The following NKAIN3 variants were observed in gnomAD, a reference collection of about 807,000 sequenced individuals.
The protein encoded by NKAIN3 is sodium/potassium-transporting ATPase subunit beta-1-interacting protein 3.
NKAIN3 carries 25 observed loss-of-function variants against 30.2 expected under a neutral mutation model. The observed-to-expected ratio is 0.83, with a 90% confidence interval of 0.60 to 1.16. The LOEUF (loss-of-function observed/expected upper bound fraction) is 1.16. NKAIN3 is among the 50% of genes most tolerant of loss of function. The pLI is 0.00. For missense variants in NKAIN3, 225 were observed against 254.1 expected (o/e 0.89, Z 0.78); for synonymous variants, 91 against 89.6 (o/e 1.02, Z -0.09).
At chr8:62,795,990 T>C (rs1817849039) in intron 4 of NKAIN3, among the ~76,000 whole-genome samples, 1 of 152,154 alleles carries the variant, frequency 6.6e-6, no homozygotes, top group African/African-American at 2.4e-5. Flanking sequence ...AAGACCCTTT[T>C]TAAAAGTGTT....
chr8:62,944,979 A>G (rs2130887355), intron 5 of NKAIN3, among the ~76,000 whole-genome samples: 1 of 152,298 alleles, frequency 6.6e-6, no homozygotes, highest in Admixed American at 6.5e-5. Flanking sequence ...AATTTGCTAT[A>G]ACAATGTCAC....
intron 1 of NKAIN3, among the ~76,000 whole-genome samples, chr8:62,576,088 G>A (rs565838653): frequency 6.6e-6 from 1 of 152,114 alleles, no homozygotes; most frequent in South Asian, 2.1e-4. Context: ...CACAAGCACA[G>A]GCAACCAAAC....
At chr8:62,771,074 CAGACAA>C (rs1387221461) in intron 4 of NKAIN3, among the ~76,000 whole-genome samples, 1 of 42,912 alleles carries the variant, frequency 2.3e-5, no homozygotes, top group Non-Finnish European at 1.3e-4. Flanking sequence ...TACATTTTAT[CAGACAA>C]AGACTTCAAA....
chr8:62,584,435 C>T (rs1252939391), intron 2 of NKAIN3, among the ~76,000 whole-genome samples: 2 of 152,182 alleles, frequency 1.3e-5, no homozygotes, highest in African/African-American at 4.8e-5. Context: ...AGTAATTGAT[C>T]ACCTTTATGA....
At chr8:62,598,454 A>C (rs1454827915) in intron 3 of NKAIN3, among the ~76,000 whole-genome samples, 1 of 152,074 alleles carries the variant, frequency 6.6e-6, no homozygotes, top group Non-Finnish European at 1.5e-5. Context: ...AATGTTAATG[A>C]TATTACAATT....
intron 1 of NKAIN3, among the ~76,000 whole-genome samples, chr8:62,321,761 G>C (rs192784129): frequency 8.3e-4 from 126 of 152,264 alleles, no homozygotes; most frequent in African/African-American, 2.7e-3. Context: ...CTCCCAGTTA[G>C]GCTACTCAGG....
intron 1 of NKAIN3, among the ~76,000 whole-genome samples, chr8:62,484,290 C>G (rs774061061): frequency 1.8e-4 from 28 of 152,330 alleles, no homozygotes; most frequent in Middle Eastern, 6.8e-3. Context: ...CAGGATGTCT[C>G]GCCCCCAGGC....
chr8:62,318,808 T>C (rs1814758440), intron 1 of NKAIN3, among the ~76,000 whole-genome samples: 1 of 152,172 alleles, frequency 6.6e-6, no homozygotes, highest in South Asian at 2.1e-4. Context: ...TTTTGTTGTG[T>C]CTCTGCCAGG....
intron 1 of NKAIN3, among the ~76,000 whole-genome samples, chr8:62,410,543 A>T (rs1804206440): frequency 6.6e-6 from 1 of 152,190 alleles, no homozygotes; most frequent in Admixed American, 6.5e-5. Flanking sequence ...AAGAATTGAT[A>T]CAAAAGATCA....
At chr8:62,946,184 C>T (rs1823120332) in intron 5 of NKAIN3, among the ~76,000 whole-genome samples, 1 of 152,146 alleles carries the variant, frequency 6.6e-6, no homozygotes, top group Admixed American at 6.5e-5. Flanking sequence ...GCATCATCTC[C>T]CTGCTTGGAC....
chr8:62,925,421 A>G (rs1396874378), intron 5 of NKAIN3, among the ~76,000 whole-genome samples: 1 of 152,180 alleles, frequency 6.6e-6, no homozygotes, highest in Non-Finnish European at 1.5e-5. Flanking sequence ...GTGCACTTAT[A>G]TCTTTTATCA....
At chr8:62,808,517 G>GT (rs1818378426) in intron 4 of NKAIN3, among the ~76,000 whole-genome samples, 1 of 152,048 alleles carries the variant, frequency 6.6e-6, no homozygotes, top group Non-Finnish European at 1.5e-5. Flanking sequence ...TTCCCTAAGT[G>GT]TCGACCGGTC....
chr8:62,331,334 A>T (rs1477522588), intron 1 of NKAIN3, among the ~76,000 whole-genome samples: 1 of 151,876 alleles, frequency 6.6e-6, no homozygotes. Flanking sequence ...CTCTTCTTGG[A>T]TACATAAGCT....
chr8:62,402,998 C>T (rs139177216), intron 1 of NKAIN3, among the ~76,000 whole-genome samples: 214 of 152,194 alleles, frequency 1.4e-3, no homozygotes, highest in African/African-American at 5.0e-3. Flanking sequence ...TAGAGACTTG[C>T]GGAATGTTTG....
At chr8:62,659,317 G>C (rs543281934) in intron 3 of NKAIN3, among the ~76,000 whole-genome samples, 25 of 152,148 alleles carry the variant, frequency 1.6e-4, no homozygotes, top group Admixed American at 7.2e-4. Context: ...TGGGAGGGTA[G>C]AGTGAACAGA....
chr8:62,792,240 T>C (rs1348192834), intron 4 of NKAIN3, among the ~76,000 whole-genome samples: 2 of 152,136 alleles, frequency 1.3e-5, no homozygotes, highest in African/African-American at 4.8e-5. Context: ...TCTCCCTTCC[T>C]GTACCTCCCC....
chr8:62,792,724 C>T (rs1817742919), intron 4 of NKAIN3, among the ~76,000 whole-genome samples: 1 of 151,968 alleles, frequency 6.6e-6, no homozygotes, highest in South Asian at 2.1e-4. Context: ...GATAAGCTGA[C>T]ACATGAATAA....
chr8:62,585,405 C>T (rs1376143305), intron 2 of NKAIN3, among the ~76,000 whole-genome samples: 1 of 152,138 alleles, frequency 6.6e-6, no homozygotes, highest in Non-Finnish European at 1.5e-5. Context: ...CCACATAGTA[C>T]TCCTTTACTC....
intron 4 of NKAIN3, chr8:62,863,392 A>C: frequency 6.5e-7 from 1 of 1,546,460 alleles, no homozygotes; most frequent in Non-Finnish European, 8.8e-7. Flanking sequence ...CATACACATC[A>C]AGATGTTTTG....
Sources: allele counts gnomAD v4.1 joint callset (sites outside exome capture counted in the v4.1 genomes callset), GRCh38; gene constraint gnomAD v4.1.1; transcripts MANE v1.5; gene names NCBI Gene and HGNC (gene_info 2026-07-23, HGNC 2026-07-21).